Variants in FNDC3B observed in about 807,000 individuals in gnomAD.
FNDC3B encodes fibronectin type III domain-containing protein 3B.
FNDC3B carries 12 observed loss-of-function variants against 151.5 expected under a neutral mutation model. That is an observed-to-expected ratio of 0.08 (90% CI 0.05 to 0.13). The LOEUF (loss-of-function observed/expected upper bound fraction) is 0.13. FNDC3B is among the 10% of genes least tolerant of loss of function. FNDC3B has a pLI of 1.00. For synonymous variants in FNDC3B, 528 were observed against 549.0 expected (o/e 0.96, Z 0.54); for missense variants, 1,214 against 1,505.3 (o/e 0.81, Z 3.20).
intron 3 of FNDC3B, among the ~76,000 whole-genome samples, chr3:172,220,808 C>T (rs1249064932): frequency 6.6e-6 from 1 of 152,062 alleles, no homozygotes; most frequent in African/African-American, 2.4e-5. Context: ...AATAAATCTT[C>T]CATGGCTGGG....
chr3:172,344,607 T>C lies in FNDC3B; in HGVS notation c.2250+349T>C, dbSNP rs534441845. Among the ~76,000 whole-genome samples, 16 of 152,344 alleles carry C rather than the reference T, an allele frequency of 1.1e-4. No homozygotes were observed. In the South Asian group the frequency reaches 3.1e-3, roughly 30 times the overall value. Reference sequence around the variant, plus strand: ...AATTAGGATTAGATAATAGTTCTAATAAAAGTTTTATACTGTCTTGTCTAA... The same window carrying C: ...AATTAGGATTAGATAATAGTTCTAACAAAAGTTTTATACTGTCTTGTCTAA... On this transcript the variant is annotated intron_variant, in intron 19 of 25. Transcript: ENST00000415807.
rs529905063 is a variant in FNDC3B, at chr3:172,392,997, T to C, written c.3304-4167T>C. ...TTTGTATTTTTAGTAGAGATGAGGT[T>C]TCACCATGTTGGTCACGCTGGTCTT... On this transcript the variant is annotated intron_variant, in intron 25 of 25. Coordinates refer to ENST00000415807, the MANE Select transcript of FNDC3B (RefSeq NM_022763.4). Among the ~76,000 whole-genome samples, 4 of 152,008 alleles carry C rather than the reference T, an allele frequency of 2.6e-5. No individual in the cohort carries two copies. The East Asian group carries it at 7.7e-4, about 29-fold the overall frequency.
At chr3:172,076,508 A>G (rs1457381733) in intron 1 of FNDC3B, among the ~76,000 whole-genome samples, 1 of 152,172 alleles carries the variant, frequency 6.6e-6, no homozygotes, top group Admixed American at 6.5e-5. Context: ...TACTCTCTTC[A>G]TTGTGAGTTC....
Position 172,247,901 on chromosome 3 carries a change from C to G in FNDC3B, c.508+125C>G, listed in dbSNP as rs1169942946. ...AAAAGGATCTAGGTGGTTTGTAAGA[C>G]TCATGGGGAATTCCTAGCTTCCTTT... On this transcript the variant is annotated intron_variant, in intron 5 of 25. Coordinates refer to ENST00000415807, the MANE Select transcript of FNDC3B (RefSeq NM_022763.4). 2.9e-5 allele frequency: 30 copies of G among 1,045,914 alleles called. No individual in the cohort carries two copies. In the East Asian group the frequency reaches 7.2e-4, roughly 25 times the overall value. The allele number at this position is 1,045,914 out of a possible 1,614,324, so 64.8% of individuals were successfully genotyped here.
chr3:172,339,728 C>G (rs989270233), intron 16 of FNDC3B, among the ~76,000 whole-genome samples: 1 of 152,162 alleles, frequency 6.6e-6, no homozygotes, highest in African/African-American at 2.4e-5. Context: ...GATGACAAAT[C>G]AAAAGTAGGG....
intron 3 of FNDC3B, among the ~76,000 whole-genome samples, chr3:172,162,198 C>T (rs562840407): frequency 2.0e-5 from 3 of 152,230 alleles, no homozygotes; most frequent in Non-Finnish European, 1.5e-5. Flanking sequence ...AGGCTGTTCT[C>T]AAATTCCTGA....
At chr3:172,150,377 T>C (rs190040416) in intron 3 of FNDC3B, among the ~76,000 whole-genome samples, 5 of 152,218 alleles carry the variant, frequency 3.3e-5, no homozygotes, top group African/African-American at 1.2e-4. Context: ...AACAGAGAAG[T>C]GGTACCTTTT....
At chr3:172,266,527 T>C (rs1256281542) in intron 6 of FNDC3B, among the ~76,000 whole-genome samples, 1 of 152,194 alleles carries the variant, frequency 6.6e-6, no homozygotes, top group African/African-American at 2.4e-5. Context: ...CTGGAGAGAA[T>C]GTAGAGCTCA....
At chr3:172,265,889 A>T (rs749552081) in intron 6 of FNDC3B, among the ~76,000 whole-genome samples, 1 of 152,230 alleles carries the variant, frequency 6.6e-6, no homozygotes, top group African/African-American at 2.4e-5. Context: ...TTGTGAGCAG[A>T]TGTTCCCTCA....
intron 11 of FNDC3B, among the ~76,000 whole-genome samples, chr3:172,323,406 A>G (rs536179210): frequency 1.2e-4 from 19 of 152,226 alleles, no homozygotes; most frequent in Admixed American, 3.9e-4. Context: ...TTAGCTACTC[A>G]GGAGGCTGAG....
At position 172,368,271 on chromosome 3, in the gene FNDC3B, TAAA is replaced by T. The variant is rs140694988; in HGVS notation, c.3008+5444_3008+5446del. Among the ~76,000 whole-genome samples the T allele has an allele frequency of 3.9e-3, 547 of 140,130 alleles. 4 individuals carry two copies. The highest frequency in any genetic ancestry group is 0.012 in the African/African-American group (426 of 36,700). The allele number at this position is 140,130 out of a possible 152,430, so 91.9% of individuals were successfully genotyped here. A position where few individuals can be genotyped will look rare whatever the true frequency, so the allele number is the denominator to read the frequency against. Reference sequence around the variant, plus strand: ...GGCAACAGAGTGAGACCCAGACTCTTAAAAAAAAAAAAAAAAAAAAGTCTGGAA... The same window carrying T: ...GGCAACAGAGTGAGACCCAGACTCTTAAAAAAAAAAAAAAAAAGTCTGGAA... On this transcript the variant is annotated intron_variant, in intron 23 of 25. Transcript: ENST00000415807.
intron 1 of FNDC3B, among the ~76,000 whole-genome samples, chr3:172,098,949 G>T (rs569393466): frequency 2.7e-4 from 41 of 152,278 alleles, no homozygotes; most frequent in Middle Eastern, 3.4e-3. Flanking sequence ...GTGAGAAGTG[G>T]TTTCCCACCA....
chr3:172,085,526 A>G (rs777817353), intron 1 of FNDC3B, among the ~76,000 whole-genome samples: 15 of 152,112 alleles, frequency 9.9e-5, no homozygotes, highest in Non-Finnish European at 1.9e-4. Flanking sequence ...TACATTCTTT[A>G]ATTTTTAAAT....
chr3:172,090,916 C>T (rs1487424095), intron 1 of FNDC3B, among the ~76,000 whole-genome samples: 3 of 152,094 alleles, frequency 2.0e-5, no homozygotes, highest in African/African-American at 7.2e-5. Flanking sequence ...CATGTTTAGA[C>T]TTGGGTCCCA....
At position 172,378,339 on chromosome 3, in the gene FNDC3B, C is replaced by T. The variant is rs775532201; in HGVS notation, c.3078C>T (p.Tyr1026=). The T allele has an allele frequency of 5.0e-6, 8 of 1,613,884 alleles. No individual in the cohort carries two copies. Among genetic ancestry groups the T allele is most frequent in the Non-Finnish European group, 6.8e-6 (8 of 1,179,946 alleles). Residue 1026 remains tyrosine, a synonymous_variant, in exon 24 of 26, where the codon TAC becomes TAT. Transcript: ENST00000415807. ...AGAGACTGACGGAATTCACATGCTA[C>T]TCCTTCAGAATCCAGGCAGCAAGCG... ...KVQRLTEFTC[Y]SFRIQAASEA...
Position 172,298,796 on chromosome 3 carries a change from G to A in FNDC3B, c.1061+9G>A. ...ACAGATTATCATGTGAGGTGAGTTA[G>A]GATATAAGAGCCAAACTGTATTGGA... On this transcript the variant is annotated intron_variant, in intron 9 of 25. Transcript: ENST00000415807. 1.3e-6 allele frequency: 2 copies of A among 1,595,754 alleles called. No homozygotes were observed. The highest frequency in any genetic ancestry group is 1.3e-5 in the African/African-American group (1 of 74,110).
At chr3:172,392,099 A>G (rs1054383949) in intron 25 of FNDC3B, among the ~76,000 whole-genome samples, 1 of 152,168 alleles carries the variant, frequency 6.6e-6, no homozygotes, top group Admixed American at 6.5e-5. Context: ...CTGTGTATGG[A>G]TTGCGGCAGT....
At chr3:172,327,088 T>C (rs573878438) in intron 11 of FNDC3B, among the ~76,000 whole-genome samples, 2 of 152,268 alleles carry the variant, frequency 1.3e-5, no homozygotes, top group East Asian at 3.9e-4. Context: ...TTCAAGTGTA[T>C]GCATTTGAAT....
intron 25 of FNDC3B, among the ~76,000 whole-genome samples, chr3:172,394,239 G>C (rs1008019068): frequency 5.9e-5 from 9 of 151,644 alleles, no homozygotes; most frequent in Non-Finnish European, 1.2e-4. Context: ...CACGGAACTG[G>C]GGGGAGGGAG....
Sources: gnomAD v4.1 joint callset for allele counts (sites outside exome capture counted in the v4.1 genomes callset) on GRCh38, gnomAD v4.1.1 for gene constraint, MANE v1.5 for transcripts, NCBI Gene and HGNC (gene_info 2026-07-23, HGNC 2026-07-21) for gene names.